The following SHTN1 variants were observed in gnomAD, a reference collection of about 807,000 sequenced individuals.
The protein encoded by SHTN1 is shootin 1.
Under a neutral mutation model 83.1 loss-of-function variants are expected in SHTN1, and 42 were observed. The ratio of observed to expected loss-of-function variants is 0.51; its 90% CI spans 0.39 to 0.65. The LOEUF is 0.65. Among genes scored for constraint, SHTN1 ranks in the 30% least tolerant of loss-of-function variants. The pLI is 0.00. For missense variants in SHTN1, 622 were observed against 737.8 expected (o/e 0.84, Z 1.82); for synonymous variants, 224 against 247.7 (o/e 0.90, Z 0.90).
Position 116,951,998 on chromosome 10 carries a change from C to A in SHTN1, c.445G>T (p.Asp149Tyr). 1.3e-6 allele frequency: 2 copies of A among 1,497,476 alleles called. No homozygotes were observed. Among genetic ancestry groups the A allele is most frequent in the Non-Finnish European group, 1.8e-6 (2 of 1,118,172 alleles). 92.8% of individuals were successfully genotyped at this position (1,497,476 alleles called of 1,614,324 possible). A position where few individuals can be genotyped will look rare whatever the true frequency, so the allele number is the denominator to read the frequency against. The change falls in exon 6 of 17, where the codon GAT (aspartate) becomes TAT (tyrosine). Residue 149 changes from aspartate to tyrosine, a missense_variant. Physicochemically the swap from Asp to Tyr is radical, Grantham distance 160 (BLOSUM62 -3). Around this residue, in one of 3 missense-constraint regions of SHTN1, gnomAD observed 383 missense variants for 455.8 expected, o/e 0.84. Coordinates refer to ENST00000355371, the MANE Select transcript of SHTN1 (RefSeq NM_001127211.3). ...TCCTCCTGAACAGATACAATTTGAT[C>A]TCGAAGTTCTGCATTTTTAAAGAAA... ...QCQKQIKELR[D>Y]QIVSVQEEKK...
At chr10:117,049,612 G>A (rs1245854218) in intron 1 of SHTN1, among the ~76,000 whole-genome samples, 1 of 152,130 alleles carries the variant, frequency 6.6e-6, no homozygotes, top group Non-Finnish European at 1.5e-5. Flanking sequence ...ATGAATGAAT[G>A]GGTAAATGAA....
At chr10:117,021,960 C>T (rs1048629570) in intron 2 of SHTN1, among the ~76,000 whole-genome samples, 3 of 152,070 alleles carry the variant, frequency 2.0e-5, no homozygotes, top group African/African-American at 4.8e-5. Flanking sequence ...TAAAGTAAAG[C>T]GGATTACCCT....
At chr10:116,960,356 G>GA (rs1384281307) in intron 3 of SHTN1, 126 bp from the exon 4 acceptor site, 2 of 560,134 alleles carry the variant, frequency 3.6e-6, no homozygotes, top group South Asian at 2.8e-5. Flanking sequence ...AGCTATCACT[G>GA]AAAAAAGGTT....
chr10:117,036,984 G>A (rs1441781587), intron 2 of SHTN1, among the ~76,000 whole-genome samples: 1 of 152,192 alleles, frequency 6.6e-6, no homozygotes, highest in Non-Finnish European at 1.5e-5. Flanking sequence ...TTTGTTTGCA[G>A]ATGACATGAT....
intron 9 of SHTN1, among the ~76,000 whole-genome samples, chr10:116,931,710 A>C (rs1248265178): frequency 6.6e-6 from 1 of 152,224 alleles, no homozygotes; most frequent in Non-Finnish European, 1.5e-5. Flanking sequence ...TACCAATGGA[A>C]AAAAAATCAA....
intron 8 of SHTN1, among the ~76,000 whole-genome samples, chr10:116,942,860 T>C (rs1849434888): frequency 6.6e-6 from 1 of 152,210 alleles, no homozygotes; most frequent in Non-Finnish European, 1.5e-5. Flanking sequence ...AGTAAGATGT[T>C]TGCTGCATGC....
chr10:116,974,831 C>T (rs1024041635), intron 2 of SHTN1, among the ~76,000 whole-genome samples: 1 of 151,514 alleles, frequency 6.6e-6, no homozygotes, highest in African/African-American at 2.4e-5. Flanking sequence ...GCTTTCCCCC[C>T]ATATAGGAAA....
At chr10:117,028,485 A>C (rs4752025) in intron 2 of SHTN1, among the ~76,000 whole-genome samples, 138,657 of 152,174 alleles carry the variant, frequency 0.91, 64,556 homozygotes, top group Non-Finnish European at 1. Flanking sequence ...ATTTCAGAGA[A>C]CTTTGTGGCA....
chr10:117,042,457 A>C (rs775487030), intron 2 of SHTN1, among the ~76,000 whole-genome samples: 1 of 152,200 alleles, frequency 6.6e-6, no homozygotes, highest in Non-Finnish European at 1.5e-5. Flanking sequence ...CAGTAGTTAC[A>C]TTTGATAACC....
rs192945238 is a variant in SHTN1, at chr10:116,937,452, T to C, written c.858+3014A>G. On this transcript the variant is annotated intron_variant, in intron 9 of 16. Coordinates refer to ENST00000355371, the MANE Select transcript of SHTN1 (RefSeq NM_001127211.3). ...GTTTGGCTGGATATGAAATTCTAGG[T>C]TGAAAATTCTTGTCTTTAAGAATGT... Among the ~76,000 whole-genome samples, 290 of 152,332 alleles carry C rather than the reference T, an allele frequency of 1.9e-3. 1 individual carries two copies. Among genetic ancestry groups the C allele is most frequent in the Non-Finnish European group, 1.1e-3 (72 of 68,032 alleles).
chr10:116,991,771 A>G (rs940596414), intron 1 of SHTN1, among the ~76,000 whole-genome samples: 1 of 152,188 alleles, frequency 6.6e-6, no homozygotes, highest in Non-Finnish European at 1.5e-5. Context: ...CCAAACTTCC[A>G]AACTATACAA....
At chr10:116,898,488 G>A (rs1326053927) in intron 16 of SHTN1, among the ~76,000 whole-genome samples, 1 of 152,076 alleles carries the variant, frequency 6.6e-6, no homozygotes, top group Admixed American at 6.6e-5. Flanking sequence ...TGCACTTAAT[G>A]TGCCTGGTCA....
intron 1 of SHTN1, among the ~76,000 whole-genome samples, chr10:116,982,727 T>TG (rs796452783): frequency 6.6e-5 from 10 of 151,738 alleles, no homozygotes; most frequent in African/African-American, 1.7e-4. Context: ...GAGGCCAAGG[T>TG]GGGGGGGAAT....
At chr10:117,081,886 C>T (rs1377075269) in intron 1 of SHTN1, among the ~76,000 whole-genome samples, 2 of 151,754 alleles carry the variant, frequency 1.3e-5, no homozygotes, top group Non-Finnish European at 2.9e-5. Context: ...GTGACATCCC[C>T]TTTATCATTT....
intron 1 of SHTN1, among the ~76,000 whole-genome samples, chr10:117,076,366 GC>G (rs936334425): frequency 9.2e-5 from 14 of 152,006 alleles, no homozygotes; most frequent in Non-Finnish European, 1.6e-4. Context: ...CTGAACTAAA[GC>G]CCAGGTTTTC....
chr10:117,064,654 C>CAAA (rs11376208), intron 1 of SHTN1, among the ~76,000 whole-genome samples: 6 of 136,492 alleles, frequency 4.4e-5, no homozygotes, highest in South Asian at 2.4e-4. Context: ...GACTTTGTCT[C>CAAA]AAAAAAAAAA....
intron 11 of SHTN1, among the ~76,000 whole-genome samples, chr10:116,922,415 G>C (rs977442714): frequency 6.6e-5 from 10 of 151,670 alleles, no homozygotes; most frequent in Admixed American, 6.6e-4. Context: ...TTATCTAGTA[G>C]AGCCAAAAAT....
At position 116,927,940 on chromosome 10, in the gene SHTN1, C is replaced by T. The variant is rs761352099; in HGVS notation, c.1013-49G>A. On this transcript the variant is annotated intron_variant, in intron 10 of 16. Coordinates refer to ENST00000355371, the MANE Select transcript of SHTN1 (RefSeq NM_001127211.3). Reference sequence around the variant, plus strand: ...AAGAGAGCTGAAATAAGCAACTAAACATTGTTTATACATGTGAAAAAAAGA... The same window carrying T: ...AAGAGAGCTGAAATAAGCAACTAAATATTGTTTATACATGTGAAAAAAAGA... 8 of 1,597,662 alleles carry T rather than the reference C, an allele frequency of 5.0e-6. No homozygotes were observed. In the South Asian group the frequency reaches 7.8e-5, roughly 16 times the overall value.
chr10:117,000,078 A>AT (rs1413600281), intron 1 of SHTN1, among the ~76,000 whole-genome samples: 6 of 152,180 alleles, frequency 3.9e-5, no homozygotes, highest in African/African-American at 1.4e-4. Flanking sequence ...TGCATTGTTG[A>AT]TAAGTACCTG....
Sources: allele counts gnomAD v4.1 joint callset (sites outside exome capture counted in the v4.1 genomes callset), GRCh38; gene constraint gnomAD v4.1.1; regional missense constraint gnomAD v4.1.1; transcripts MANE v1.5; gene names NCBI Gene and HGNC (gene_info 2026-07-23, HGNC 2026-07-21).